PPP1R37: variants seen among roughly 807,000 people sequenced by gnomAD.
PPP1R37 encodes leucine rich repeat containing 68.
PPP1R37 carries 21 observed loss-of-function variants against 61.0 expected under a neutral mutation model. The ratio of observed to expected loss-of-function variants is 0.34; its 90% confidence interval spans 0.24 to 0.50. The LOEUF (loss-of-function observed/expected upper bound fraction) is 0.50. PPP1R37 is among the 20% of genes least tolerant of loss of function. The pLI is 0.98. For synonymous variants in PPP1R37, 443 were observed against 433.5 expected (o/e 1.02, Z -0.27); for missense variants, 910 against 952.7 (o/e 0.96, Z 0.59).
chr19:45,121,156 T>C lies in PPP1R37; in HGVS notation c.203-17358T>C, dbSNP rs536164321. ...TAGAAGGGCCCCAAGCAGTGTTTGTTCTCTTCCCCCATGCCTCTCTGCTGA... is the reference window on the plus strand; with the variant it reads ...TAGAAGGGCCCCAAGCAGTGTTTGTCCTCTTCCCCCATGCCTCTCTGCTGA... On this transcript the variant is annotated intron_variant, in intron 1 of 12. Coordinates refer to ENST00000221462, the MANE Select transcript of PPP1R37 (RefSeq NM_019121.2). This position sits in a 1 kb window ranked among gnomAD's most constrained non-coding sequence, Gnocchi z 4.2. Among the ~76,000 whole-genome samples, 4 of 152,170 alleles carry C rather than the reference T, an allele frequency of 2.6e-5. No individual in the cohort carries two copies. Among genetic ancestry groups the C allele is most frequent in the Non-Finnish European group, 5.9e-5 (4 of 68,036 alleles).
At position 45,145,684 on chromosome 19, in the gene PPP1R37, G is replaced by A; in HGVS notation, c.1628G>A (p.Arg543Lys). 2 of 1,534,872 alleles carry A rather than the reference G, an allele frequency of 1.3e-6. No individual in the cohort carries two copies. Among genetic ancestry groups the A allele is most frequent in the Non-Finnish European group, 1.7e-6 (2 of 1,146,266 alleles). ...PPTDSLGPGD[R>K]SPPGSPSTPT... ...ACGGACTCCCTGGGCCCTGGGGACA[G>A]GAGTCCCCCAGGCAGCCCCTCCACA... Residue 543 changes from arginine (R) to lysine (K), a missense_variant, in exon 11 of 13, where the codon AGG (arginine) becomes AAG (lysine). Physicochemically the swap from Arg to Lys is conservative, Grantham distance 26 (BLOSUM62 2). Coordinates refer to ENST00000221462, the MANE Select transcript of PPP1R37 (RefSeq NM_019121.2).
chr19:45,108,303 A>G (rs1018409328), intron 1 of PPP1R37, among the ~76,000 whole-genome samples: 4 of 152,068 alleles, frequency 2.6e-5, no homozygotes, highest in African/African-American at 9.7e-5. Context: ...TCCACCTCCT[A>G]GGCTCAAGCC....
At position 45,144,904 on chromosome 19, in the gene PPP1R37, G is replaced by C; in HGVS notation, c.1038G>C (p.Gly346=). ...ETLNLGHNPI[G]NEGVRHLKNG... is the part of the protein sequence containing the mutation. The stretch of plus-strand genomic sequence containing the variant: ...TGAACCTGGGCCACAACCCCATCGG[G>C]AACGAGGGTGTGCGGCACCTCAAGA... Residue 346 remains glycine (G), a synonymous_variant, in exon 9 of 13, where the codon GGG becomes GGC. Coordinates refer to ENST00000221462, the MANE Select transcript of PPP1R37 (RefSeq NM_019121.2). 6.5e-7 allele frequency: 1 copy of C among 1,535,682 alleles called. No homozygotes were observed. Among genetic ancestry groups the C allele is most frequent in the Non-Finnish European group, 8.7e-7 (1 of 1,146,690 alleles).
chr19:45,142,894 C>T (rs922812517), intron 7 of PPP1R37: 1 of 191,666 alleles, frequency 5.2e-6, no homozygotes, highest in South Asian at 1.1e-4. Context: ...TGTGAGAAGC[C>T]TGGGAAAGGG....
chr19:45,119,155 ATT>A (rs746814304), intron 1 of PPP1R37, among the ~76,000 whole-genome samples: 11 of 133,628 alleles, frequency 8.2e-5, no homozygotes, highest in African/African-American at 8.3e-5. Context: ...CACCCGTCTA[ATT>A]TTTTTTTTTT....
chr19:45,131,719 C>A (rs1432434604), intron 1 of PPP1R37, among the ~76,000 whole-genome samples: 3 of 152,212 alleles, frequency 2.0e-5, no homozygotes, highest in Non-Finnish European at 4.4e-5. Context: ...AAGACCTTGA[C>A]CCCTTTGTTT....
At chr19:45,146,119 C>T (rs973442249) in intron 11 of PPP1R37, 70 bp downstream of exon 11, 5 of 1,410,866 alleles carry the variant, frequency 3.5e-6, no homozygotes, top group African/African-American at 2.9e-5. Flanking sequence ...AAGCCCCTGC[C>T]TGTTGTGGAC....
intron 1 of PPP1R37, chr19:45,128,858 T>G: frequency 1.6e-6 from 1 of 630,582 alleles, no homozygotes; most frequent in East Asian, 3.6e-5. Flanking sequence ...TCCAGGAAGG[T>G]ACCCCTCACT....
intron 1 of PPP1R37, among the ~76,000 whole-genome samples, chr19:45,094,263 T>C (rs1967963036): frequency 6.6e-6 from 1 of 152,004 alleles, no homozygotes; most frequent in South Asian, 2.1e-4. Context: ...GGATTACAGG[T>C]GTGAGCCACC....
intron 1 of PPP1R37, among the ~76,000 whole-genome samples, chr19:45,100,436 C>T (rs1036373077): frequency 2.0e-5 from 3 of 152,146 alleles, no homozygotes; most frequent in African/African-American, 7.2e-5. Flanking sequence ...GTCTCAGTGC[C>T]TTTTGTGTAT....
chr19:45,093,655 C>A, intron 1 of PPP1R37, 128 bp downstream of exon 1: 1 of 625,854 alleles, frequency 1.6e-6, no homozygotes, highest in East Asian at 3.2e-5. Flanking sequence ...GGACAGTCGT[C>A]AGTTTAGAAC....
chr19:45,142,053 C>G lies in PPP1R37; in HGVS notation c.568-8C>G. Reference sequence around the variant, plus strand: ...CAGTGCCTCACCCCTGTCCTCTTGCCCCTGCAGACGAGCTGCCTGCAGTAT... The same window carrying G: ...CAGTGCCTCACCCCTGTCCTCTTGCGCCTGCAGACGAGCTGCCTGCAGTAT... On this transcript the variant is annotated splice_region_variant and splice_polypyrimidine_tract_variant and intron_variant, in intron 5 of 12. Transcript: ENST00000221462. The G allele has an allele frequency of 6.6e-7, 1 of 1,506,784 alleles. No homozygotes were observed. The highest frequency in any genetic ancestry group is 8.9e-7 in the Non-Finnish European group (1 of 1,129,904). 93.3% of individuals were successfully genotyped at this position (1,506,784 alleles called of 1,614,324 possible).
intron 1 of PPP1R37, among the ~76,000 whole-genome samples, chr19:45,127,671 A>G (rs1333291364): frequency 1.3e-5 from 2 of 152,158 alleles, no homozygotes; most frequent in Admixed American, 1.3e-4. Flanking sequence ...CAGAGATTCA[A>G]CATAAAGAAA....
At chr19:45,111,911 T>C (rs1968205974) in intron 1 of PPP1R37, among the ~76,000 whole-genome samples, 1 of 152,160 alleles carries the variant, frequency 6.6e-6, no homozygotes, top group African/African-American at 2.4e-5. Flanking sequence ...TCTGCCTGTT[T>C]TTGAGTTTCA....
intron 1 of PPP1R37, among the ~76,000 whole-genome samples, chr19:45,128,379 A>G (rs573722572): frequency 8.3e-4 from 127 of 152,358 alleles, no homozygotes; most frequent in African/African-American, 2.9e-3. Flanking sequence ...AGAGTTGAGT[A>G]GTTGCTGCAG....
chr19:45,131,544 T>C (rs975326608), intron 1 of PPP1R37, among the ~76,000 whole-genome samples: 7 of 152,208 alleles, frequency 4.6e-5, no homozygotes, highest in African/African-American at 1.7e-4. Context: ...GAGGTCTAGT[T>C]ATGCCAGCAT....
chr19:45,114,112 G>T (rs902933000), intron 1 of PPP1R37, among the ~76,000 whole-genome samples: 2 of 152,238 alleles, frequency 1.3e-5, no homozygotes, highest in African/African-American at 4.8e-5. Flanking sequence ...TTGTGTGTCA[G>T]TCTCAGTCTC....
intron 1 of PPP1R37, among the ~76,000 whole-genome samples, chr19:45,116,393 C>T (rs1029244860): frequency 6.6e-6 from 1 of 152,216 alleles, no homozygotes; most frequent in Non-Finnish European, 1.5e-5. Context: ...TAAGCCTAGC[C>T]CGCCCCCTGG....
intron 1 of PPP1R37, among the ~76,000 whole-genome samples, chr19:45,116,377 G>A (rs1253388529): frequency 6.6e-6 from 1 of 152,214 alleles, no homozygotes; most frequent in East Asian, 1.9e-4. Context: ...CTCCTTGTTG[G>A]CTATGTAAGC....
Sources: gnomAD v4.1 joint callset for allele counts (sites outside exome capture counted in the v4.1 genomes callset) on GRCh38, gnomAD v4.1.1 for gene constraint, Gnocchi (gnomAD v3.1) non-coding constraint, MANE v1.5 for transcripts, NCBI Gene and HGNC (gene_info 2026-07-23, HGNC 2026-07-21) for gene names.